PPP1R12A: variants seen among roughly 807,000 people sequenced by gnomAD.
PPP1R12A encodes the protein protein phosphatase 1 regulatory subunit 12A, also known as myosin binding subunit.
Under a neutral mutation model 139.6 loss-of-function variants are expected in PPP1R12A, and 19 were observed. The observed-to-expected ratio is 0.14, with a 90% confidence interval of 0.09 to 0.20. The LOEUF is 0.20. PPP1R12A is among the 10% of genes least tolerant of loss of function. PPP1R12A has a pLI of 1.00. For synonymous variants in PPP1R12A, 427 were observed against 420.6 expected (o/e 1.02, Z -0.19); for missense variants, 925 against 1,211.5 (o/e 0.76, Z 3.51).
intron 1 of PPP1R12A, among the ~76,000 whole-genome samples, chr12:79,883,497 T>A (rs575298853): frequency 6.6e-6 from 1 of 151,764 alleles, no homozygotes; most frequent in South Asian, 2.1e-4. Context: ...ATATGAAGAG[T>A]TAAGATGCAG....
At position 79,809,774 on chromosome 12, in the gene PPP1R12A, C is replaced by G. The variant is rs191143462; in HGVS notation, c.1455+21G>C. 1.9e-4 allele frequency: 294 copies of G among 1,569,650 alleles called. 1 individual carries two copies. The Middle Eastern group carries it at 2.5e-3, about 13-fold the overall frequency. ...GAAATCATAACAGTTTTCATAGAAA[C>G]CAGACTGTGAAATAGATTACCTTTT... On this transcript the variant is annotated intron_variant, in intron 10 of 24. Transcript: ENST00000450142.
rs71463839 is a variant in PPP1R12A, at chr12:79,897,708, C to T, written c.238-24770G>A. Among the ~76,000 whole-genome samples, 1,306 of 152,248 alleles carry T rather than the reference C, an allele frequency of 8.6e-3. 13 individuals carry two copies. The highest frequency in any genetic ancestry group is 0.027 in the Middle Eastern group (8 of 294). On this transcript the variant is annotated intron_variant, in intron 1 of 24. Transcript: ENST00000450142. The stretch of plus-strand genomic sequence containing the variant: ...AAATTCAGCAGAGAAGAACGTGGTA[C>T]CACATCCTGCATCTCCTCCACCCTT...
chr12:79,904,379 A>G (rs1007919113), intron 1 of PPP1R12A, among the ~76,000 whole-genome samples: 1 of 150,536 alleles, frequency 6.6e-6, no homozygotes, highest in Non-Finnish European at 1.5e-5. Context: ...CTGGAAACTC[A>G]AAGGCAGACA....
At chr12:79,793,377 T>C (rs1872128811) in intron 19 of PPP1R12A, among the ~76,000 whole-genome samples, 1 of 152,160 alleles carries the variant, frequency 6.6e-6, no homozygotes, top group South Asian at 2.1e-4. Flanking sequence ...TAAATATATG[T>C]AAAAGAAAGT....
chr12:79,892,360 T>C (rs1290647137), intron 1 of PPP1R12A, among the ~76,000 whole-genome samples: 2 of 152,182 alleles, frequency 1.3e-5, no homozygotes, highest in Admixed American at 6.5e-5. Flanking sequence ...TCTGATAATG[T>C]GGCAGTACTC....
At chr12:79,796,420 AC>A (rs1490788490) in intron 17 of PPP1R12A, among the ~76,000 whole-genome samples, 5 of 145,954 alleles carry the variant, frequency 3.4e-5, no homozygotes, top group South Asian at 4.3e-4. Context: ...TCACAAAAAA[AC>A]ATTTAAATGA....
chr12:79,806,062 A>G, intron 13 of PPP1R12A, 104 bp downstream of exon 13: 3 of 1,381,282 alleles, frequency 2.2e-6, no homozygotes, highest in Non-Finnish European at 2.9e-6. Context: ...TAAATTTAAC[A>G]AGATAAATGA....
rs1285534725 is a variant in PPP1R12A at position 79,845,296 on chromosome 12, T to C, written c.487+6A>G. The C allele has an allele frequency of 6.3e-7, 1 of 1,594,488 alleles. No individual in the cohort carries two copies. The highest frequency in any genetic ancestry group is 8.6e-7 in the Non-Finnish European group (1 of 1,164,496). On this transcript the variant is annotated splice_donor_region_variant and intron_variant, in intron 3 of 24. Transcript: ENST00000450142. Reference sequence around the variant, plus strand: ...ATTTTTCCATTTAGGTTGCTTTTTATTTTACCTTGCCGATTAACTTCATTT... The same window carrying C: ...ATTTTTCCATTTAGGTTGCTTTTTACTTTACCTTGCCGATTAACTTCATTT...
intron 11 of PPP1R12A, 55 bp downstream of exon 11, chr12:79,808,428 G>T: frequency 8.5e-7 from 1 of 1,181,166 alleles, no homozygotes. Flanking sequence ...TAACTCTAAT[G>T]CTAGATAATA....
chr12:79,910,521 A>G (rs1227314001), intron 1 of PPP1R12A, among the ~76,000 whole-genome samples: 1 of 140,922 alleles, frequency 7.1e-6, no homozygotes, highest in Non-Finnish European at 1.5e-5. Flanking sequence ...AGTATACTTC[A>G]AAGTATAATC....
At chr12:79,783,504 TGCTTA>T (rs1282802071) in intron 22 of PPP1R12A, among the ~76,000 whole-genome samples, 2 of 151,952 alleles carry the variant, frequency 1.3e-5, no homozygotes, top group African/African-American at 4.8e-5. Flanking sequence ...TGAATAAGAC[TGCTTA>T]GTTAATTCTC....
rs546676110 is a variant in PPP1R12A, at chr12:79,827,054, G to A, written c.792+1266C>T. Among the ~76,000 whole-genome samples, 4 of 152,270 alleles carry A rather than the reference G, an allele frequency of 2.6e-5. No individual in the cohort carries two copies. The South Asian group carries it at 6.2e-4, about 24-fold the overall frequency. ...TTCTACATGAAAAGAGAGGTAACAC[G>A]ACTTGCGAAGCTAAAATTAGCTGGC... On this transcript the variant is annotated intron_variant, in intron 5 of 24. Transcript: ENST00000450142.
At chr12:79,855,708 A>G (rs1880567306) in intron 2 of PPP1R12A, among the ~76,000 whole-genome samples, 1 of 152,182 alleles carries the variant, frequency 6.6e-6, no homozygotes, top group Non-Finnish European at 1.5e-5. Context: ...TTCTGCAAAA[A>G]AAAAACAAAC....
intron 22 of PPP1R12A, chr12:79,782,359 T>C (rs878893608): frequency 4.0e-6 from 1 of 248,400 alleles, no homozygotes; most frequent in Non-Finnish European, 8.1e-6. Context: ...GCTCACACTC[T>C]AGGTTTCTTT....
chr12:79,809,707 A>C, intron 10 of PPP1R12A, 88 bp downstream of exon 10: 1 of 1,013,558 alleles, frequency 9.9e-7, no homozygotes, highest in Non-Finnish European at 1.5e-6. Context: ...AGATCTAAAG[A>C]TAACTAGCAG....
In PPP1R12A at chr12:79,775,828, GAC is replaced by G. The variant is rs1869650482; in HGVS notation, c.*99_*100del. On this transcript the variant is annotated 3_prime_UTR_variant, in exon 25 of 25. Transcript: ENST00000450142. ...GGCATTTGGCAGGATATCCGAAAAT[GAC>G]AGTCTCCAAGGATTCTTCCCAGACT... is the stretch of plus-strand genomic sequence containing the variant. 1 of 696,302 alleles carries G rather than the reference GAC, an allele frequency of 1.4e-6. No individual in the cohort carries two copies. Among genetic ancestry groups the G allele is most frequent in the Non-Finnish European group, 2.2e-6 (1 of 459,486 alleles). The allele number at this position is 696,302 out of a possible 1,614,324, so 43.1% of individuals were successfully genotyped here.
chr12:79,875,285 C>T (rs537864311), intron 1 of PPP1R12A, among the ~76,000 whole-genome samples: 42 of 152,190 alleles, frequency 2.8e-4, no homozygotes, highest in Non-Finnish European at 5.1e-4. Context: ...AGATGCAATC[C>T]CCATGTATTA....
chr12:79,868,407 T>C (rs1181566573), intron 2 of PPP1R12A, among the ~76,000 whole-genome samples: 1 of 152,204 alleles, frequency 6.6e-6, no homozygotes, highest in East Asian at 1.9e-4. Context: ...GTGGAAAGTT[T>C]ATACTGCTTA....
chr12:79,794,842 A>G (rs1364881360), intron 18 of PPP1R12A, among the ~76,000 whole-genome samples: 3 of 152,144 alleles, frequency 2.0e-5, no homozygotes, highest in African/African-American at 7.2e-5. Context: ...TAGCATAGAT[A>G]TATCTTATAA....
Sources: allele counts gnomAD v4.1 joint callset (sites outside exome capture counted in the v4.1 genomes callset), GRCh38; gene constraint gnomAD v4.1.1; transcripts MANE v1.5; gene names NCBI Gene and HGNC (gene_info 2026-07-23, HGNC 2026-07-21).